The following NAV2 variants were observed in gnomAD, a reference collection of about 807,000 sequenced individuals.
NAV2 encodes the protein neuron navigator 2.
In NAV2, 54 loss-of-function variants were observed where a neutral mutation model predicts 223.2. The ratio of observed to expected loss-of-function variants is 0.24; its 90% confidence interval spans 0.19 to 0.30. NAV2 has a LOEUF of 0.30. Among genes scored for constraint, NAV2 ranks in the 10% least tolerant of loss-of-function variants. The pLI is 1.00. For synonymous variants in NAV2, 1,279 were observed against 1,239.3 expected, an observed-to-expected ratio of 1.03 and a Z score of -0.67; for missense variants, 2,806 against 3,147.5, an observed-to-expected ratio of 0.89 and a Z score of 2.60.
chr11:19,678,075 G>C (rs75440370), intron 1 of NAV2, among the ~76,000 whole-genome samples: 4,541 of 152,224 alleles, frequency 0.03, 156 homozygotes, highest in East Asian at 0.081. Flanking sequence ...AGGCTGCGCC[G>C]CAGGAATAGG....
intron 11 of NAV2, among the ~76,000 whole-genome samples, chr11:20,000,819 C>T (rs2052471131): frequency 6.6e-6 from 1 of 152,192 alleles, no homozygotes. Context: ...CTCTCCCTCC[C>T]TCATCCACTG....
chr11:19,478,994 C>T (rs1028773452), intron 1 of NAV2, among the ~76,000 whole-genome samples: 3 of 152,148 alleles, frequency 2.0e-5, no homozygotes, highest in South Asian at 2.1e-4. Context: ...CTGATGTCGG[C>T]GGTCTGGGCA....
At chr11:19,416,866 A>G (rs1315493312) in intron 1 of NAV2, among the ~76,000 whole-genome samples, 2 of 152,218 alleles carry the variant, frequency 1.3e-5, no homozygotes. Context: ...TATTTAATAA[A>G]TGGTGTTGGG....
chr11:19,769,223 G>A (rs1325622295), intron 1 of NAV2, among the ~76,000 whole-genome samples: 2 of 152,338 alleles, frequency 1.3e-5, no homozygotes, highest in Non-Finnish European at 2.9e-5. Flanking sequence ...GCTGTGGAAA[G>A]GAATTGAGTT....
Position 20,036,103 on chromosome 11 carries a change from G to A in NAV2, c.2907+6G>A. On this transcript the variant is annotated splice_donor_region_variant and intron_variant, in intron 12 of 37. Coordinates refer to ENST00000349880, the MANE Select transcript of NAV2 (RefSeq NM_145117.5). ...GAAAAAACCTGGATGTGCAGGTGAG[G>A]AACACAGGCCCTCCCAGGCTCCTCC... 6.2e-7 allele frequency: 1 copy of A among 1,614,164 alleles called. No homozygotes were observed. Among genetic ancestry groups the A allele is most frequent in the Non-Finnish European group, 8.5e-7 (1 of 1,180,022 alleles).
intron 1 of NAV2, among the ~76,000 whole-genome samples, chr11:19,590,167 C>A (rs566501889): frequency 6.6e-6 from 1 of 152,114 alleles, no homozygotes; most frequent in South Asian, 2.1e-4. Context: ...AGAGCTGCTG[C>A]GAGGATTAGA....
intron 11 of NAV2, among the ~76,000 whole-genome samples, chr11:20,008,884 T>G (rs11606785): frequency 0.055 from 8,323 of 152,316 alleles, 313 homozygotes; most frequent in South Asian, 0.13. Flanking sequence ...TTTAAATTGC[T>G]TTGCTTAAAT....
rs1555129987 is a variant in NAV2 at position 19,897,886 on chromosome 11, T to TATATATATATATATATATA, written c.931+5292_931+5293insATATATATATATATATATA. Among the ~76,000 whole-genome samples the TATATATATATATATATATA allele has an allele frequency of 2.1e-4, 25 of 120,680 alleles. 1 individual carries two copies. The highest frequency in any genetic ancestry group is 8.4e-4 in the African/African-American group (25 of 29,680). The allele number at this position is 120,680 out of a possible 152,430, so 79.2% of individuals were successfully genotyped here. A position where few individuals can be genotyped will look rare whatever the true frequency, so the allele number is the denominator to read the frequency against. On this transcript the variant is annotated intron_variant, in intron 6 of 37. Transcript: ENST00000349880. ...GCCACAGCTGTGCCTGACCTGTGATTTATATATATATATATATATGTGAGC... is the reference window on the plus strand; with the variant it reads ...GCCACAGCTGTGCCTGACCTGTGATTATATATATATATATATATATATATATATATATATATATGTGAGC...
intron 10 of NAV2, among the ~76,000 whole-genome samples, chr11:19,953,918 A>G (rs759709477): frequency 2.0e-5 from 3 of 152,172 alleles, no homozygotes; most frequent in South Asian, 2.1e-4. Flanking sequence ...TAGCAGGCAG[A>G]CAGCACTCAT....
chr11:19,514,213 T>C (rs2134257127), intron 1 of NAV2, among the ~76,000 whole-genome samples: 1 of 152,208 alleles, frequency 6.6e-6, no homozygotes, highest in East Asian at 1.9e-4. Flanking sequence ...TTCTCTAGGG[T>C]GTTTTGTGTT....
At chr11:19,664,496 C>T (rs1265548337) in intron 1 of NAV2, among the ~76,000 whole-genome samples, 1 of 152,136 alleles carries the variant, frequency 6.6e-6, no homozygotes. Context: ...TGAGTCCAAG[C>T]TTAATTTAGA....
At chr11:20,056,062 C>G in intron 19 of NAV2, 105 bp downstream of exon 19, 1 of 1,085,432 alleles carries the variant, frequency 9.2e-7, no homozygotes, top group Non-Finnish European at 1.3e-6. Flanking sequence ...AACCTGAGAG[C>G]CCACCTATAA....
At chr11:20,117,251 A>G (rs1400605372) in intron 37 of NAV2, among the ~76,000 whole-genome samples, 1 of 152,254 alleles carries the variant, frequency 6.6e-6, no homozygotes, top group Non-Finnish European at 1.5e-5. Context: ...AGTGACCCGT[A>G]GTATGTAAAC....
intron 1 of NAV2, among the ~76,000 whole-genome samples, chr11:19,658,832 C>A (rs1358648937): frequency 6.6e-6 from 1 of 152,112 alleles, no homozygotes; most frequent in Non-Finnish European, 1.5e-5. Flanking sequence ...AGCCAATATT[C>A]CAGTACATGA....
At chr11:20,010,448 G>C (rs1432235146) in intron 11 of NAV2, among the ~76,000 whole-genome samples, 2 of 152,122 alleles carry the variant, frequency 1.3e-5, no homozygotes, top group Admixed American at 6.5e-5. Flanking sequence ...TTTCTCCCTG[G>C]AGTTTGACAT....
intron 1 of NAV2, among the ~76,000 whole-genome samples, chr11:19,750,889 G>A (rs1233091620): frequency 1.3e-5 from 2 of 152,174 alleles, no homozygotes; most frequent in Non-Finnish European, 1.5e-5. Flanking sequence ...ACTGTGCTAA[G>A]TGCTTTTTAT....
At chr11:19,648,290 A>G (rs907265801) in intron 1 of NAV2, among the ~76,000 whole-genome samples, 1 of 152,240 alleles carries the variant, frequency 6.6e-6, no homozygotes, top group African/African-American at 2.4e-5. Context: ...ATAAAATACT[A>G]TGTAATGATT....
chr11:19,907,342 G>A (rs149156688), intron 6 of NAV2, among the ~76,000 whole-genome samples: 63 of 152,198 alleles, frequency 4.1e-4, no homozygotes, highest in African/African-American at 1.5e-3. Context: ...CTGATAAACC[G>A]TGATGAAAAG....
chr11:19,834,525 G>A (rs886314828), intron 2 of NAV2, among the ~76,000 whole-genome samples: 1 of 151,602 alleles, frequency 6.6e-6, no homozygotes, highest in Non-Finnish European at 1.5e-5. Flanking sequence ...TAACAAATGT[G>A]GAAGGCTGAG....
Sources: allele counts gnomAD v4.1 joint callset (sites outside exome capture counted in the v4.1 genomes callset), GRCh38; gene constraint gnomAD v4.1.1; transcripts MANE v1.5; gene names NCBI Gene and HGNC (gene_info 2026-07-23, HGNC 2026-07-21).